The following MAP3K1 variants were observed in gnomAD, a reference collection of about 807,000 sequenced individuals.
MAP3K1 encodes the protein MAP/ERK kinase kinase 1.
Under a neutral mutation model 144.2 loss-of-function variants are expected in MAP3K1, and 36 were observed. The ratio of observed to expected loss-of-function variants is 0.25; its 90% CI spans 0.19 to 0.33. The LOEUF (loss-of-function observed/expected upper bound fraction) is 0.33, where lower values mean the gene tolerates loss of function less well. MAP3K1 is among the 10% of genes least tolerant of loss of function. The pLI, the probability that MAP3K1 is intolerant of heterozygous loss-of-function variation, is 1.00. For missense variants in MAP3K1, 1,650 were observed against 1,881.9 expected (o/e 0.88, Z 2.28); for synonymous variants, 718 against 688.7 (o/e 1.04, Z -0.67).
intron 4 of MAP3K1, 113 bp from the exon 5 acceptor site, chr5:56,865,227 A>G: frequency 1.4e-6 from 1 of 718,866 alleles, no homozygotes; most frequent in South Asian, 1.6e-5. Flanking sequence ...GAAGAATATG[A>G]ATTAATAGAA....
At position 56,844,183 on chromosome 5, in the gene MAP3K1, GTTTTTTT is replaced by G. The variant is rs770169813; in HGVS notation, c.483-12399_483-12393del. Among the ~76,000 whole-genome samples the G allele has an allele frequency of 1.1e-4, 8 of 76,106 alleles. No individual in the cohort carries two copies. In the East Asian group the frequency reaches 1.2e-3, roughly 12 times the overall value. The allele number at this position is 76,106 out of a possible 152,430, so 49.9% of individuals were successfully genotyped here. A position where few individuals can be genotyped will look rare whatever the true frequency, so the allele number is the denominator to read the frequency against. ...TAGTATTATAGGATTGTTTTTTTTG[GTTTTTTT>G]TTTTTTTTTTTTTTTTTGAGACAGA... On this transcript the variant is annotated intron_variant, in intron 1 of 19. Coordinates refer to ENST00000399503, the MANE Select transcript of MAP3K1 (RefSeq NM_005921.2).
At chr5:56,831,906 T>G (rs1746505722) in intron 1 of MAP3K1, among the ~76,000 whole-genome samples, 1 of 152,214 alleles carries the variant, frequency 6.6e-6, no homozygotes, top group Non-Finnish European at 1.5e-5. Flanking sequence ...TGGGCATATT[T>G]GATTTCCTCT....
chr5:56,893,886 A>G lies in MAP3K1; in HGVS notation c.*206A>G. 1.7e-6 allele frequency: 1 copy of G among 595,902 alleles called. No homozygotes were observed. 36.9% of individuals were successfully genotyped at this position (595,902 alleles called of 1,614,324 possible). ...TGCAAAAGCCCAAACTAGTGCAGAA[A>G]CTGTAAACTGTGCCTTTCAAAGAAC... On this transcript the variant is annotated 3_prime_UTR_variant, in exon 20 of 20. Coordinates refer to ENST00000399503, the MANE Select transcript of MAP3K1 (RefSeq NM_005921.2).
rs1748124842 is a variant in MAP3K1, at chr5:56,879,095, C to T, written c.2081C>T (p.Ala694Val). 1 of 1,613,876 alleles carries T rather than the reference C, an allele frequency of 6.2e-7. No individual in the cohort carries two copies. The highest frequency in any genetic ancestry group is 1.1e-5 in the South Asian group (1 of 91,084). Reference protein sequence around the residue: ...VDTILVKCADANSRTSQLSIS... With the variant: ...VDTILVKCADVNSRTSQLSIS... ...ACCATCCTAGTCAAATGTGCAGATG[C>T]CAATAGGTAAGGCTTTATTGATGAA... is the stretch of plus-strand genomic sequence containing the variant. Residue 694 changes from alanine to valine, a missense_variant, in exon 11 of 20, where the codon GCC becomes GTC. Physicochemically the swap from Ala to Val is moderately conservative, Grantham distance 64. Coordinates refer to ENST00000399503, the MANE Select transcript of MAP3K1 (RefSeq NM_005921.2).
Position 56,893,581 on chromosome 5 carries a change from T to G in MAP3K1, c.4440T>G (p.Gly1480=). Residue 1480 remains glycine, a synonymous_variant, in exon 20 of 20, where the codon GGT becomes GGG. Coordinates refer to ENST00000399503, the MANE Select transcript of MAP3K1 (RefSeq NM_005921.2). ...APSIPSHLSP[G]LRDVALRCLE... ...CGATCCCTTCACATTTGTCTCCTGG[T>G]TTACGAGATGTGGCTCTTCGTTGTT... is the stretch of plus-strand genomic sequence containing the variant. The G allele has an allele frequency of 6.2e-7, 1 of 1,614,006 alleles. No homozygotes were observed. The highest frequency in any genetic ancestry group is 8.5e-7 in the Non-Finnish European group (1 of 1,179,880).
In MAP3K1 at chr5:56,856,763, G is replaced by A. The variant is rs1478740488; in HGVS notation, c.633+13G>A. The A allele has an allele frequency of 1.9e-6, 3 of 1,613,434 alleles. No individual in the cohort carries two copies. The highest frequency in any genetic ancestry group is 2.5e-6 in the Non-Finnish European group (3 of 1,179,582). On this transcript the variant is annotated intron_variant, in intron 2 of 19. Transcript: ENST00000399503. ...GCGAGGGCCTGTGGTAAGTGGCTATGGGTTACCAGTTATAAGGAAGAAAGC... is the reference window on the plus strand; with the variant it reads ...GCGAGGGCCTGTGGTAAGTGGCTATAGGTTACCAGTTATAAGGAAGAAAGC...
intron 6 of MAP3K1, among the ~76,000 whole-genome samples, 156 bp from the exon 7 acceptor site, chr5:56,871,754 A>G (rs144544999): frequency 1.1e-3 from 160 of 152,314 alleles, no homozygotes; most frequent in Non-Finnish European, 2.0e-3. Context: ...AAATTACTGT[A>G]TATTAATAGT....
chr5:56,889,064 T>C (rs1455781924), intron 19 of MAP3K1, among the ~76,000 whole-genome samples: 1 of 152,242 alleles, frequency 6.6e-6, no homozygotes, highest in Non-Finnish European at 1.5e-5. Flanking sequence ...TGTATATGTA[T>C]GTGTGTATAT....
At position 56,865,919 on chromosome 5, in the gene MAP3K1, A is replaced by C; in HGVS notation, c.1243A>C (p.Met415Leu). ...CACCATCCAGAAGTTTGTTTCACGC[A>C]TGTCAAATTCTCATACATTGTCATC... ...RNTIQKFVSR[M>L]SNSHTLSSSS... is the part of the protein sequence containing the mutation. The change falls in exon 6 of 20, where the codon ATG becomes CTG. Residue 415 changes from methionine (M) to leucine (L), a missense_variant. Coordinates refer to ENST00000399503, the MANE Select transcript of MAP3K1 (RefSeq NM_005921.2). The C allele has an allele frequency of 6.2e-7, 1 of 1,613,244 alleles. No homozygotes were observed. Among genetic ancestry groups the C allele is most frequent in the South Asian group, 1.1e-5 (1 of 91,056 alleles).
chr5:56,843,873 A>G (rs1055584652), intron 1 of MAP3K1, among the ~76,000 whole-genome samples: 5 of 152,096 alleles, frequency 3.3e-5, no homozygotes, highest in Admixed American at 6.6e-5. Context: ...TTTCTCTGCA[A>G]TTTTCTTAGA....
chr5:56,847,173 G>A (rs971350388), intron 1 of MAP3K1, among the ~76,000 whole-genome samples: 2 of 152,168 alleles, frequency 1.3e-5, no homozygotes, highest in Admixed American at 6.5e-5. Flanking sequence ...AGCCCCTTTC[G>A]TTTGATGATG....
intron 1 of MAP3K1, among the ~76,000 whole-genome samples, chr5:56,816,330 G>A (rs1358502708): frequency 6.6e-6 from 1 of 152,072 alleles, no homozygotes; most frequent in Non-Finnish European, 1.5e-5. Flanking sequence ...GAACCGTTGC[G>A]AAAAGGTGTA....
intron 1 of MAP3K1, among the ~76,000 whole-genome samples, chr5:56,854,944 T>C (rs1422566048): frequency 1.3e-5 from 2 of 152,170 alleles, no homozygotes; most frequent in Admixed American, 1.3e-4. Context: ...GGAAAGCGCT[T>C]TTAATACTAA....
rs907121698 is a variant in MAP3K1 at position 56,856,493 on chromosome 5, T to G, written c.483-107T>G. On this transcript the variant is annotated intron_variant, in intron 1 of 19. Transcript: ENST00000399503. Reference sequence around the variant, plus strand: ...GGTTTTTAGCAGTTATCTTTTTTATTACATGTCCGTTGGAAGTATAAAATA... The same window carrying G: ...GGTTTTTAGCAGTTATCTTTTTTATGACATGTCCGTTGGAAGTATAAAATA... 1.1e-4 allele frequency: 104 copies of G among 956,792 alleles called. No homozygotes were observed. In the African/African-American group the frequency reaches 1.5e-3, roughly 14 times the overall value. 59.3% of individuals were successfully genotyped at this position (956,792 alleles called of 1,614,324 possible).
intron 1 of MAP3K1, among the ~76,000 whole-genome samples, chr5:56,830,105 C>CT (rs1488584371): frequency 1.3e-5 from 2 of 152,188 alleles, no homozygotes; most frequent in African/African-American, 2.4e-5. Context: ...CCGTTGGTGT[C>CT]TGAAGTACCT....
At chr5:56,832,259 A>T (rs927349191) in intron 1 of MAP3K1, among the ~76,000 whole-genome samples, 22 of 152,184 alleles carry the variant, frequency 1.4e-4, no homozygotes, top group African/African-American at 4.8e-4. Flanking sequence ...TAGAATTCGG[A>T]AGGACAACCT....
In MAP3K1 at chr5:56,865,908, T is replaced by G. The variant is rs1162904232; in HGVS notation, c.1232T>G (p.Phe411Cys). The change falls in exon 6 of 20, where the codon TTT (phenylalanine) becomes TGT (cysteine). Residue 411 changes from phenylalanine to cysteine, a missense_variant. Transcript: ENST00000399503. ...KAPSRNTIQKFVSRMSNSHTL... is the reference protein window; with the variant it reads ...KAPSRNTIQKCVSRMSNSHTL... ...CCATCTCGTAACACCATCCAGAAGT[T>G]TGTTTCACGCATGTCAAATTCTCAT... The G allele has an allele frequency of 6.2e-7, 1 of 1,613,574 alleles. No individual in the cohort carries two copies. Among genetic ancestry groups the G allele is most frequent in the Admixed American group, 1.7e-5 (1 of 60,020 alleles).
rs764093209 is a variant in MAP3K1 at position 56,882,082 on chromosome 5, G to C, written c.2882G>C (p.Arg961Thr). The C allele has an allele frequency of 1.9e-6, 3 of 1,613,954 alleles. No homozygotes were observed. The highest frequency in any genetic ancestry group is 3.3e-5 in the Admixed American group (2 of 59,970). Residue 961 changes from arginine (R) to threonine (T), a missense_variant, in exon 14 of 20, where the codon AGA becomes ACA. Physicochemically the swap from Arg to Thr is moderately conservative, Grantham distance 71. This residue lies in a region of MAP3K1 where 841 missense variants were observed against 886.5 expected (regional missense o/e 0.95). Transcript: ENST00000399503. ...QPKPMVQTKG[R>T]PHSQCLNSSP... ...AAGCCAATGGTTCAAACAAAAGGCAGACCCCACAGTCAGTGTTTGAACTCC... is the reference window on the plus strand; with the variant it reads ...AAGCCAATGGTTCAAACAAAAGGCACACCCCACAGTCAGTGTTTGAACTCC...
intron 6 of MAP3K1, among the ~76,000 whole-genome samples, chr5:56,871,492 G>T (rs1217945682): frequency 1.3e-5 from 2 of 152,098 alleles, no homozygotes; most frequent in African/African-American, 2.4e-5. Flanking sequence ...TCTGAAATAG[G>T]CATTTAAATT....
Sources: allele counts gnomAD v4.1 joint callset (sites outside exome capture counted in the v4.1 genomes callset), GRCh38; gene constraint gnomAD v4.1.1; regional missense constraint gnomAD v4.1.1; transcripts MANE v1.5; gene names NCBI Gene and HGNC (gene_info 2026-07-23, HGNC 2026-07-21).